CTBP1: variants seen among roughly 807,000 people sequenced by gnomAD.
CTBP1 encodes C-terminal binding protein 1.
A neutral mutation model predicts 42.1 loss-of-function variants in CTBP1; 11 were observed. The ratio of observed to expected loss-of-function variants is 0.26; its 90% CI spans 0.16 to 0.43. The LOEUF is 0.43. Among genes scored for constraint, CTBP1 ranks in the 20% least tolerant of loss-of-function variants. CTBP1 has a pLI of 1.00. For missense variants in CTBP1, 399 were observed against 624.3 expected, an observed-to-expected ratio of 0.64 and a Z score of 3.85; for synonymous variants, 324 against 277.1, an observed-to-expected ratio of 1.17 and a Z score of -1.68.
intron 5 of CTBP1, among the ~76,000 whole-genome samples, chr4:1,220,721 G>A (rs1421101359): frequency 2.0e-5 from 3 of 152,272 alleles, no homozygotes; most frequent in Admixed American, 1.3e-4. Context: ...CCTTTCCACA[G>A]AGGAGCCAAG....
At chr4:1,223,352 T>A (rs903642020) in intron 5 of CTBP1, 7 of 436,122 alleles carry the variant, frequency 1.6e-5, no homozygotes, top group African/African-American at 1.2e-4. Flanking sequence ...AGCAAGACCG[T>A]GAGAGACGTG....
chr4:1,247,593 G>A lies in CTBP1; in HGVS notation c.-189+1323C>T, dbSNP rs186191429. Reference sequence around the variant, plus strand: ...CTGCAACGGCAAATAGTTACCCCACGGTTCTCCCCCAACCCTGCCCCAAGC... The same window carrying A: ...CTGCAACGGCAAATAGTTACCCCACAGTTCTCCCCCAACCCTGCCCCAAGC... On this transcript the variant is annotated intron_variant, in intron 1 of 9. Transcript: ENST00000382952. Among the ~76,000 whole-genome samples the A allele has an allele frequency of 2.7e-3, 411 of 152,246 alleles. 2 individuals carry two copies. Among genetic ancestry groups the A allele is most frequent in the African/African-American group, 9.5e-3 (393 of 41,550 alleles).
chr4:1,212,314 G>A lies in CTBP1; in HGVS notation c.1216C>T (p.Pro406Ser). ...LSHGLPPVAH[P>S]PHAPSPGQTV... is the part of the protein sequence containing the mutation. ...TGGCCAGGAGAAGGGGCGTGGGGCG[G>A]GTGGGCCACAGGGGGCAGGCCGTGG... Residue 406 changes from proline (P) to serine (S), a missense_variant, in exon 10 of 10, where the codon CCG (proline) becomes TCG (serine). Coordinates refer to ENST00000382952, the MANE Select transcript of CTBP1 (RefSeq NM_001012614.2). 5.9e-6 allele frequency: 9 copies of A among 1,523,234 alleles called. No individual in the cohort carries two copies. The highest frequency in any genetic ancestry group is 1.2e-5 in the South Asian group (1 of 80,768). 94.4% of individuals were successfully genotyped at this position (1,523,234 alleles called of 1,614,324 possible).
intron 6 of CTBP1, among the ~76,000 whole-genome samples, chr4:1,215,262 TGGCTACA>T (rs1369037445): frequency 1.3e-5 from 2 of 152,254 alleles, no homozygotes; most frequent in African/African-American, 2.4e-5. Flanking sequence ...ATCCTCCTTG[TGGCTACA>T]GGCTGCTGGG....
chr4:1,244,848 G>A (rs1222081765), intron 1 of CTBP1: 2 of 985,344 alleles, frequency 2.0e-6, no homozygotes, highest in African/African-American at 3.5e-5. Context: ...CAAAGACTAG[G>A]GCCTGGCGGT....
Position 1,247,460 on chromosome 4 carries a change from G to A in CTBP1, c.-189+1456C>T, listed in dbSNP as rs536850349. ...GAGGGAGGTGGCCAGGCCCGGGCAGGCAGGGGAGACCTGGGAGGCCGGGTG... is the reference window on the plus strand; with the variant it reads ...GAGGGAGGTGGCCAGGCCCGGGCAGACAGGGGAGACCTGGGAGGCCGGGTG... On this transcript the variant is annotated intron_variant, in intron 1 of 9. Coordinates refer to ENST00000382952, the MANE Select transcript of CTBP1 (RefSeq NM_001012614.2). 3.7e-3 allele frequency among the ~76,000 whole-genome samples: 567 copies of A among 152,290 alleles called. 11 individuals carry two copies. Among genetic ancestry groups the A allele is most frequent in the Non-Finnish European group, 6.5e-3 (442 of 68,036 alleles).
intron 7 of CTBP1, 183 bp from the exon 8 acceptor site, chr4:1,213,788 CA>C (rs1432608943): frequency 1.1e-5 from 8 of 706,650 alleles, no homozygotes; most frequent in Admixed American, 6.7e-5. Context: ...TCAGACACAC[CA>C]GGGGCTCCTG....
chr4:1,212,806 C>T (rs186051817), intron 9 of CTBP1, 107 bp downstream of exon 9: 1 of 937,264 alleles, frequency 1.1e-6, no homozygotes, highest in Non-Finnish European at 1.7e-6. Context: ...CCAGATCCTC[C>T]AGGTCAGTCA....
chr4:1,239,484 C>T lies in CTBP1; in HGVS notation c.8-1147G>A, dbSNP rs1023739239. ...TCTCCAGTGGCCGCGGCCACAAGCACGCTCGGCCCAGTCTCCCGCCCCATC... is the reference window on the plus strand; with the variant it reads ...TCTCCAGTGGCCGCGGCCACAAGCATGCTCGGCCCAGTCTCCCGCCCCATC... On this transcript the variant is annotated intron_variant, in intron 2 of 9. Transcript: ENST00000382952. Among the ~76,000 whole-genome samples, 12 of 152,354 alleles carry T rather than the reference C, an allele frequency of 7.9e-5. No individual in the cohort carries two copies. In the South Asian group the frequency reaches 1.2e-3, roughly 16 times the overall value.
chr4:1,241,984 AGGAGCCACCG>A, intron 1 of CTBP1: 5 of 1,008,092 alleles, frequency 5.0e-6, no homozygotes, highest in Non-Finnish European at 5.9e-6. Flanking sequence ...GGAACTTCCC[AGGAGCCACCG>A]GGAGAGGTGC....
chr4:1,219,578 T>C (rs1182231489), intron 5 of CTBP1, among the ~76,000 whole-genome samples: 2 of 152,158 alleles, frequency 1.3e-5, no homozygotes, highest in African/African-American at 2.4e-5. Flanking sequence ...CTGATGATTG[T>C]AGCTAATGCA....
chr4:1,244,652 C>A (rs1732535640), intron 1 of CTBP1: 1 of 985,418 alleles, frequency 1.0e-6, no homozygotes, highest in Non-Finnish European at 1.2e-6. Context: ...GAAGGGCTCC[C>A]CGACCACCAG....
intron 5 of CTBP1, among the ~76,000 whole-genome samples, chr4:1,220,151 G>A (rs1357035748): frequency 1.3e-5 from 2 of 149,792 alleles, no homozygotes; most frequent in Non-Finnish European, 3.0e-5. Context: ...GCAGTGAGCC[G>A]AGATCATGCC....
At chr4:1,242,075 T>C (rs1332174522) in intron 1 of CTBP1, 1 of 985,344 alleles carries the variant, frequency 1.0e-6, no homozygotes, top group East Asian at 1.1e-4. Context: ...CGACCCTCAG[T>C]GCATCCTGGC....
At chr4:1,227,104 C>A (rs1730431810) in intron 4 of CTBP1, among the ~76,000 whole-genome samples, 1 of 152,012 alleles carries the variant, frequency 6.6e-6, no homozygotes, top group Non-Finnish European at 1.5e-5. Context: ...AGCACCGCCC[C>A]AAGTTTGTTC....
At chr4:1,232,238 G>T (rs1271515873) in intron 3 of CTBP1, among the ~76,000 whole-genome samples, 1 of 152,120 alleles carries the variant, frequency 6.6e-6, no homozygotes, top group African/African-American at 2.4e-5. Flanking sequence ...CCCTTAGGCT[G>T]GCACACAAAT....
In CTBP1 at chr4:1,238,167, G is replaced by T. The variant is rs780183940; in HGVS notation, c.162+16C>A. On this transcript the variant is annotated intron_variant, in intron 3 of 9. Transcript: ENST00000382952. The surrounding 1 kb of genome is among the most constrained non-coding windows in gnomAD (Gnocchi z 5.9). ...ACGTGCGGTTCTGCCAGCCCCAGGC[G>T]ACCACGTGGTGGTACCTTCTCATGG... The T allele has an allele frequency of 1.2e-6, 2 of 1,612,552 alleles. No homozygotes were observed. The highest frequency in any genetic ancestry group is 1.7e-6 in the Non-Finnish European group (2 of 1,179,632).
intron 1 of CTBP1, among the ~76,000 whole-genome samples, chr4:1,246,014 A>C (rs1032184199): frequency 9.2e-5 from 14 of 152,286 alleles, no homozygotes; most frequent in African/African-American, 3.4e-4. Context: ...GCCACCAAGA[A>C]ATTTCTGGCT....
At position 1,238,311 on chromosome 4, in the gene CTBP1, G is replaced by A. The variant is rs1461023930; in HGVS notation, c.34C>T (p.Pro12Ser). ...GCCACCAGGGGCCGCGGGTGCAGGGGCCCGTTCATGATCGGAGGTCGGACG... is the reference window on the plus strand; with the variant it reads ...GCCACCAGGGGCCGCGGGTGCAGGGACCCGTTCATGATCGGAGGTCGGACG... ...SGVRPPIMNG[P>S]LHPRPLVALL... Residue 12 changes from proline to serine, a missense_variant, in exon 3 of 10, where the codon CCC becomes TCC. This residue lies in a region of CTBP1 where 17 missense variants were observed against 18.7 expected (regional missense o/e 0.91). Transcript: ENST00000382952. This position sits in a 1 kb window ranked among gnomAD's most constrained non-coding sequence, Gnocchi z 5.9. 6.3e-7 allele frequency: 1 copy of A among 1,585,834 alleles called. No homozygotes were observed. The highest frequency in any genetic ancestry group is 8.6e-7 in the Non-Finnish European group (1 of 1,161,810).
Sources: gnomAD v4.1 joint callset for allele counts (sites outside exome capture counted in the v4.1 genomes callset) on GRCh38, gnomAD v4.1.1 for gene constraint, gnomAD v4.1.1 regional missense constraint, Gnocchi (gnomAD v3.1) non-coding constraint, MANE v1.5 for transcripts, NCBI Gene and HGNC (gene_info 2026-07-23, HGNC 2026-07-21) for gene names.